NKAIN3: variants seen among roughly 807,000 people sequenced by gnomAD.
The protein encoded by NKAIN3 is sodium/potassium transporting ATPase interacting 3.
In NKAIN3, 25 loss-of-function variants were observed where a neutral mutation model predicts 30.2. The observed-to-expected ratio is 0.83, with a 90% CI of 0.60 to 1.16. The LOEUF is 1.16. Ranked by LOEUF, NKAIN3 falls within the 50% of genes most tolerant of loss-of-function variation. The pLI, the probability that NKAIN3 is intolerant of heterozygous loss-of-function variation, is 0.00. For synonymous variants in NKAIN3, 91 were observed against 89.6 expected (o/e 1.02, Z -0.09); for missense variants, 225 against 254.1 (o/e 0.89, Z 0.78).
chr8:62,381,709 A>G (rs761150862), intron 1 of NKAIN3, among the ~76,000 whole-genome samples: 3 of 152,212 alleles, frequency 2.0e-5, no homozygotes, highest in Admixed American at 6.5e-5. Context: ...AGACAAGACT[A>G]GAACTCAGTT....
chr8:62,850,137 G>A (rs533407948), intron 4 of NKAIN3, among the ~76,000 whole-genome samples: 1 of 152,098 alleles, frequency 6.6e-6, no homozygotes, highest in East Asian at 1.9e-4. Context: ...ACTTTTTAAT[G>A]ATCGCCATTC....
At chr8:62,304,699 G>A (rs1167299952) in intron 1 of NKAIN3, among the ~76,000 whole-genome samples, 1 of 150,260 alleles carries the variant, frequency 6.7e-6, no homozygotes, top group Non-Finnish European at 1.5e-5. Context: ...AAACACTCCT[G>A]ACCTGATATT....
intron 2 of NKAIN3, among the ~76,000 whole-genome samples, chr8:62,585,430 G>A (rs778485007): frequency 6.6e-6 from 1 of 152,082 alleles, no homozygotes; most frequent in Non-Finnish European, 1.5e-5. Context: ...AAGTATTTTG[G>A]CTAAGGTGCA....
intron 1 of NKAIN3, among the ~76,000 whole-genome samples, chr8:62,413,815 TAA>T (rs1404598861): frequency 3.3e-5 from 5 of 152,160 alleles, no homozygotes; most frequent in African/African-American, 1.2e-4. Flanking sequence ...GGAGATGATA[TAA>T]CTTATGATTT....
intron 4 of NKAIN3, among the ~76,000 whole-genome samples, chr8:62,784,733 C>G (rs1375165584): frequency 6.6e-6 from 1 of 152,068 alleles, no homozygotes; most frequent in Non-Finnish European, 1.5e-5. Flanking sequence ...GAAAATAGAG[C>G]ATGAAGGAGC....
intron 4 of NKAIN3, among the ~76,000 whole-genome samples, chr8:62,820,213 G>C (rs570769383): frequency 6.6e-6 from 1 of 152,238 alleles, no homozygotes; most frequent in African/African-American, 2.4e-5. Flanking sequence ...TGTTTGTTTT[G>C]TATGTATCTC....
At chr8:62,405,880 G>C (rs1804050275) in intron 1 of NKAIN3, among the ~76,000 whole-genome samples, 1 of 152,166 alleles carries the variant, frequency 6.6e-6, no homozygotes, top group Non-Finnish European at 1.5e-5. Flanking sequence ...CATTTTAGAA[G>C]CTCACTGATT....
chr8:62,634,823 T>C (rs546690237), intron 3 of NKAIN3, among the ~76,000 whole-genome samples: 1 of 152,064 alleles, frequency 6.6e-6, no homozygotes, highest in East Asian at 1.9e-4. Flanking sequence ...AGAATGGACT[T>C]TATAACTGGC....
chr8:62,932,056 T>C (rs1240995047), intron 5 of NKAIN3, among the ~76,000 whole-genome samples: 1 of 152,246 alleles, frequency 6.6e-6, no homozygotes, highest in East Asian at 1.9e-4. Context: ...AAAATATTAT[T>C]GTTTAATTTT....
intron 4 of NKAIN3, among the ~76,000 whole-genome samples, chr8:62,876,201 CA>C (rs1820789454): frequency 6.6e-6 from 1 of 152,166 alleles, no homozygotes; most frequent in Non-Finnish European, 1.5e-5. Flanking sequence ...GACATTTATG[CA>C]GCCAACAAAC....
intron 1 of NKAIN3, among the ~76,000 whole-genome samples, chr8:62,360,468 G>A (rs1351415167): frequency 6.6e-6 from 1 of 152,158 alleles, no homozygotes; most frequent in Non-Finnish European, 1.5e-5. Flanking sequence ...TGTAATGCAA[G>A]TAGCTAACAT....
chr8:62,616,529 G>A (rs1390936741), intron 3 of NKAIN3, among the ~76,000 whole-genome samples: 1 of 152,124 alleles, frequency 6.6e-6, no homozygotes, highest in Non-Finnish European at 1.5e-5. Flanking sequence ...GTGTACCACG[G>A]GCAGCACTTT....
At chr8:62,844,833 T>A (rs1258438371) in intron 4 of NKAIN3, among the ~76,000 whole-genome samples, 1 of 152,064 alleles carries the variant, frequency 6.6e-6, no homozygotes, top group East Asian at 1.9e-4. Context: ...CTGCCAGGAC[T>A]ATCGGGGGCA....
At chr8:62,871,011 G>T (rs559872492) in intron 4 of NKAIN3, among the ~76,000 whole-genome samples, 2 of 152,046 alleles carry the variant, frequency 1.3e-5, no homozygotes, top group East Asian at 1.9e-4. Flanking sequence ...GTCTTATTGA[G>T]GTAACATTGA....
chr8:62,917,104 G>C lies in NKAIN3; in HGVS notation c.472-1349G>C, dbSNP rs144082815. On this transcript the variant is annotated intron_variant, in intron 4 of 6. Coordinates refer to ENST00000623646, the MANE Select transcript of NKAIN3 (RefSeq NM_001304533.3). ...CTGGGATGGCTCCAACTCCAGAACA[G>C]CACAGGAAGATCTCTCCAGAGGCCT... is the stretch of plus-strand genomic sequence containing the variant. Among the ~76,000 whole-genome samples, 603 of 152,056 alleles carry C rather than the reference G, an allele frequency of 4.0e-3. 4 individuals carry two copies. Among genetic ancestry groups the C allele is most frequent in the African/African-American group, 0.014 (575 of 41,462 alleles).
chr8:62,815,784 A>G (rs1057301766), intron 4 of NKAIN3, among the ~76,000 whole-genome samples: 5 of 151,864 alleles, frequency 3.3e-5, no homozygotes, highest in African/African-American at 1.2e-4. Flanking sequence ...ATAAATTCAT[A>G]AATTCTTTAT....
intron 1 of NKAIN3, among the ~76,000 whole-genome samples, chr8:62,322,651 A>G (rs1466531854): frequency 6.6e-6 from 1 of 152,220 alleles, no homozygotes; most frequent in African/African-American, 2.4e-5. Flanking sequence ...GTTGCTAAAT[A>G]AATACTATGT....
chr8:62,369,600 G>A (rs531564804), intron 1 of NKAIN3, among the ~76,000 whole-genome samples: 7 of 152,126 alleles, frequency 4.6e-5, no homozygotes, highest in Middle Eastern at 3.4e-3. Flanking sequence ...TTATAGGAAT[G>A]TCTTTGCTCT....
At chr8:62,855,408 T>C in intron 4 of NKAIN3, 1 of 912,866 alleles carries the variant, frequency 1.1e-6, no homozygotes, top group East Asian at 2.4e-5. Context: ...ATGCCCTTGC[T>C]GATATTGGCC....
Sources: gnomAD v4.1 joint callset for allele counts (sites outside exome capture counted in the v4.1 genomes callset) on GRCh38, gnomAD v4.1.1 for gene constraint, MANE v1.5 for transcripts, NCBI Gene and HGNC (gene_info 2026-07-23, HGNC 2026-07-21) for gene names.